COL5A2: variants seen among roughly 807,000 people sequenced by gnomAD.
COL5A2 encodes collagen type V alpha 2 chain.
In COL5A2, 23 loss-of-function variants were observed where a neutral mutation model predicts 208.2. The observed-to-expected ratio is 0.11, with a 90% CI of 0.08 to 0.16. The LOEUF (loss-of-function observed/expected upper bound fraction) is 0.16. Among genes scored for constraint, COL5A2 ranks in the 10% least tolerant of loss-of-function variants. The probability of loss-of-function intolerance (pLI) is 1.00; values close to 1 mark genes in which losing one functional copy is unlikely to be tolerated. For synonymous variants in COL5A2, 625 were observed against 628.5 expected (o/e 0.99, Z 0.08); for missense variants, 1,590 against 1,956.4 (o/e 0.81, Z 3.53).
At chr2:189,226,822 A>G (rs1339965252), upstream of COL5A2, among the ~76,000 whole-genome samples, 2 of 152,064 alleles carry the variant, frequency 1.3e-5, no homozygotes, top group African/African-American at 4.8e-5. Flanking sequence ...TCTTTCTTGA[A>G]TTTCTGGTAA....
At chr2:189,054,015 C>A in intron 36 of COL5A2, 67 bp from the exon 37 acceptor site, 2 of 1,499,988 alleles carry the variant, frequency 1.3e-6, no homozygotes, top group South Asian at 2.3e-5. Flanking sequence ...GGACATTGGT[C>A]ACTGTGTAGG....
chr2:189,039,661 A>G (rs1685517680), intron 50 of COL5A2, 98 bp from the exon 51 acceptor site: 2 of 1,192,108 alleles, frequency 1.7e-6, no homozygotes, highest in Non-Finnish European at 2.4e-6. Flanking sequence ...AGACACTCCA[A>G]TTTGACAGTA....
chr2:189,439,559 A>G, the COL5A2 span, among the ~76,000 whole-genome samples: 208 of 152,366 alleles, frequency 1.4e-3, 4 homozygotes, highest in East Asian at 0.031. Flanking sequence ...CACTAGCCCT[A>G]TTCTGCCTAC....
In COL5A2 at chr2:189,032,813, T is replaced by A. The variant is rs934930233; in HGVS notation, c.*1257A>T. The A allele has an allele frequency of 2.6e-5, 4 of 152,568 alleles. No homozygotes were observed. The highest frequency in any genetic ancestry group is 4.8e-5 in the African/African-American group (2 of 41,440). 9.5% of individuals were successfully genotyped at this position (152,568 alleles called of 1,614,324 possible). A position where few individuals can be genotyped will look rare whatever the true frequency, so the allele number is the denominator to read the frequency against. ...AGAAACGGGAAGTCTAACAGTTATG[T>A]TTTCACAATGGTAGTGATTAAACCA... On this transcript the variant is annotated 3_prime_UTR_variant, in exon 54 of 54. Transcript: ENST00000374866.
At chr2:189,343,266 TTC>T in the COL5A2 span, among the ~76,000 whole-genome samples, 1 of 152,114 alleles carries the variant, frequency 6.6e-6, no homozygotes, top group African/African-American at 2.4e-5. Flanking sequence ...GACAAAATTA[TTC>T]TTTTTTCATA....
At chr2:189,346,577 T>C in the COL5A2 span, among the ~76,000 whole-genome samples, 1 of 152,216 alleles carries the variant, frequency 6.6e-6, no homozygotes, top group Non-Finnish European at 1.5e-5. Context: ...CTTTTACTAT[T>C]TTTAACATTA....
chr2:189,353,377 G>C, the COL5A2 span, among the ~76,000 whole-genome samples: 1 of 152,144 alleles, frequency 6.6e-6, no homozygotes, highest in Non-Finnish European at 1.5e-5. Flanking sequence ...AAATTACTTT[G>C]GGCAACGTGG....
the COL5A2 span, among the ~76,000 whole-genome samples, chr2:189,333,490 CAAGAA>C: frequency 1.3e-5 from 2 of 152,062 alleles, no homozygotes; most frequent in African/African-American, 4.8e-5. Flanking sequence ...AAAACTCGCA[CAAGAA>C]AAGAAACAAA....
chr2:189,166,604 C>T (rs1284039421), intron 1 of COL5A2, among the ~76,000 whole-genome samples: 1 of 152,138 alleles, frequency 6.6e-6, no homozygotes, highest in African/African-American at 2.4e-5. Flanking sequence ...TTAGAAAAGA[C>T]TTGAAGTAAT....
the COL5A2 span, among the ~76,000 whole-genome samples, chr2:189,420,750 G>C: frequency 6.6e-6 from 1 of 152,056 alleles, no homozygotes; most frequent in Non-Finnish European, 1.5e-5. Context: ...CTATTCCTTA[G>C]AGCTTTCCTG....
the COL5A2 span, among the ~76,000 whole-genome samples, chr2:189,251,848 T>C: frequency 2.6e-5 from 4 of 152,224 alleles, no homozygotes; most frequent in Admixed American, 1.3e-4. Flanking sequence ...AGAAAAATTT[T>C]GCAATCTACT....
In COL5A2 at chr2:189,078,548, C is replaced by T; in HGVS notation, c.1027G>A (p.Glu343Lys). 6.2e-7 allele frequency: 1 copy of T among 1,612,794 alleles called. No individual in the cohort carries two copies. Residue 343 changes from glutamate to lysine, a missense_variant, in exon 16 of 54, where the codon GAG becomes AAG. Physicochemically the swap from Glu to Lys is moderately conservative, Grantham distance 56. Coordinates refer to ENST00000374866, the MANE Select transcript of COL5A2 (RefSeq NM_000393.5). ...GPLGPRGMPG[E>K]RGRLGPQGAP... is the part of the protein sequence containing the mutation. ...CCCTGTGGCCCAAGTCTCCCTCTCT[C>T]TCCTGGCATTCCCCTCGGACCCTAT...
intron 1 of COL5A2, among the ~76,000 whole-genome samples, chr2:189,171,333 T>C (rs1409060086): frequency 6.6e-6 from 1 of 152,104 alleles, no homozygotes; most frequent in African/African-American, 2.4e-5. Context: ...TTAGATAGTT[T>C]TATATCACAC....
chr2:189,262,171 T>C, the COL5A2 span, among the ~76,000 whole-genome samples: 1 of 152,144 alleles, frequency 6.6e-6, no homozygotes, highest in Admixed American at 6.5e-5. Flanking sequence ...TTTGAAATGA[T>C]TTCATTCCTT....
the COL5A2 span, among the ~76,000 whole-genome samples, chr2:189,427,238 A>G: frequency 1.3e-5 from 2 of 152,236 alleles, no homozygotes; most frequent in African/African-American, 4.8e-5. Context: ...GGGCTCAGGT[A>G]CACCTCAGGC....
In COL5A2 at chr2:189,039,491, T is replaced by C; in HGVS notation, c.3706A>G (p.Ile1236Val). The C allele has an allele frequency of 6.2e-7, 1 of 1,614,052 alleles. No individual in the cohort carries two copies. The highest frequency in any genetic ancestry group is 8.5e-7 in the Non-Finnish European group (1 of 1,180,000). The change falls in exon 51 of 54, where the codon ATC (isoleucine) becomes GTC (valine). Residue 1236 changes from isoleucine to valine, a missense_variant. Physicochemically the swap from Ile to Val is conservative, Grantham distance 29. Transcript: ENST00000374866. Reference protein sequence around the residue: ...PGHLTAALGDIMGHYDESMPD... With the variant: ...PGHLTAALGDVMGHYDESMPD... ...ATGCTTTCATCATAGTGCCCCATGA[T>C]ATCCCCAAGAGCAGCTGTAAGGTGG...
the COL5A2 span, among the ~76,000 whole-genome samples, chr2:189,402,820 G>C: frequency 6.8e-6 from 1 of 146,222 alleles, no homozygotes; most frequent in South Asian, 2.2e-4. Flanking sequence ...TAGCCTTATA[G>C]TATAGTTTGA....
the COL5A2 span, among the ~76,000 whole-genome samples, chr2:189,247,690 A>C: frequency 6.6e-6 from 1 of 150,724 alleles, no homozygotes; most frequent in African/African-American, 2.4e-5. Context: ...AGTGATTCTC[A>C]TGCTTCAGCC....
At chr2:189,440,944 G>A in the COL5A2 span, among the ~76,000 whole-genome samples, 1 of 152,206 alleles carries the variant, frequency 6.6e-6, no homozygotes, top group Non-Finnish European at 1.5e-5. Flanking sequence ...AGATTCTGTA[G>A]TAACCTAAGC....
Sources: gnomAD v4.1 joint callset for allele counts (sites outside exome capture counted in the v4.1 genomes callset) on GRCh38, gnomAD v4.1.1 for gene constraint, MANE v1.5 for transcripts, NCBI Gene and HGNC (gene_info 2026-07-23, HGNC 2026-07-21) for gene names.